IMMP2L: variants seen among roughly 807,000 people sequenced by gnomAD.
The protein encoded by IMMP2L is inner mitochondrial membrane peptidase subunit 2.
Under a neutral mutation model 19.3 loss-of-function variants are expected in IMMP2L, and 18 were observed. That is an observed-to-expected ratio of 0.93 (90% CI 0.64 to 1.38). The LOEUF is 1.38. Ranked by LOEUF, IMMP2L falls within the 40% of genes most tolerant of loss-of-function variation. The pLI is 0.00. For missense variants in IMMP2L, 233 were observed against 218.2 expected (o/e 1.07, Z -0.43); for synonymous variants, 76 against 73.0 (o/e 1.04, Z -0.21).
At chr7:111,374,816 G>A (rs1483120588) in intron 3 of IMMP2L, among the ~76,000 whole-genome samples, 2 of 152,130 alleles carry the variant, frequency 1.3e-5, no homozygotes, top group African/African-American at 4.8e-5. Context: ...GACACTGGAT[G>A]CTGCATTCAA....
intron 3 of IMMP2L, among the ~76,000 whole-genome samples, chr7:111,299,542 C>T (rs1708942098): frequency 6.8e-6 from 1 of 147,590 alleles, no homozygotes; most frequent in African/African-American, 2.5e-5. Context: ...GTGGGGTTTT[C>T]CCAGATAATT....
Position 110,903,832 on chromosome 7 carries a change from G to A in IMMP2L, c.306-17137C>T, listed in dbSNP as rs536483368. On this transcript the variant is annotated intron_variant, in intron 4 of 5. Coordinates refer to ENST00000405709, the MANE Select transcript of IMMP2L (RefSeq NM_032549.4). ...TTTCTATAGTGGCTGTACTATTTTC[G>A]ATTCCCACCGACAGTGTTCAAGGGT... is the stretch of plus-strand genomic sequence containing the variant. Among the ~76,000 whole-genome samples the A allele has an allele frequency of 2.7e-5, 4 of 150,440 alleles. No homozygotes were observed. In the East Asian group the frequency reaches 5.9e-4, roughly 22 times the overall value.
At chr7:110,697,794 T>C (rs1793994424) in intron 5 of IMMP2L, among the ~76,000 whole-genome samples, 1 of 152,114 alleles carries the variant, frequency 6.6e-6, no homozygotes, top group South Asian at 2.1e-4. Flanking sequence ...ACCCTATCTC[T>C]AAGAAATAAA....
At chr7:110,680,259 A>T (rs746248156) in intron 5 of IMMP2L, among the ~76,000 whole-genome samples, 7 of 152,108 alleles carry the variant, frequency 4.6e-5, no homozygotes, top group Non-Finnish European at 8.8e-5. Flanking sequence ...CGTGTTTTTC[A>T]TATATAAGAT....
intron 5 of IMMP2L, among the ~76,000 whole-genome samples, chr7:110,831,364 T>G (rs558552206): frequency 6.6e-6 from 1 of 152,234 alleles, no homozygotes; most frequent in East Asian, 1.9e-4. Context: ...CTTATCTAAT[T>G]TAAGGTCAGA....
intron 3 of IMMP2L, among the ~76,000 whole-genome samples, chr7:111,178,542 T>C (rs1051600041): frequency 6.6e-6 from 1 of 152,100 alleles, no homozygotes; most frequent in Non-Finnish European, 1.5e-5. Context: ...TTACCCACAG[T>C]AGAACTTTTG....
chr7:111,051,403 A>G (rs1046784240), intron 3 of IMMP2L, among the ~76,000 whole-genome samples: 1 of 152,250 alleles, frequency 6.6e-6, no homozygotes, highest in African/African-American at 2.4e-5. Context: ...TACACAGGAC[A>G]AAGAAACAGG....
chr7:111,447,138 A>T (rs1224414214), intron 3 of IMMP2L, among the ~76,000 whole-genome samples: 9 of 146,836 alleles, frequency 6.1e-5, no homozygotes, highest in African/African-American at 2.1e-4. Context: ...ACTCTGCAGG[A>T]TATTATCCAG....
At chr7:111,337,779 G>A (rs912022572) in intron 3 of IMMP2L, among the ~76,000 whole-genome samples, 6 of 152,228 alleles carry the variant, frequency 3.9e-5, no homozygotes, top group Admixed American at 1.3e-4. Flanking sequence ...GAGTGTCTTA[G>A]TTACCCAAGG....
intron 5 of IMMP2L, chr7:110,725,688 T>C (rs1175028547): frequency 7.2e-5 from 11 of 152,200 alleles, no homozygotes; most frequent in African/African-American, 2.4e-4. Context: ...AGAAGGTAGA[T>C]AGCTAACACT....
At chr7:111,059,759 C>G (rs1165271825) in intron 3 of IMMP2L, among the ~76,000 whole-genome samples, 1 of 152,068 alleles carries the variant, frequency 6.6e-6, no homozygotes, top group East Asian at 1.9e-4. Flanking sequence ...CAAGGGTAAA[C>G]TTAATATCCT....
At chr7:111,252,083 C>G (rs553837735) in intron 3 of IMMP2L, among the ~76,000 whole-genome samples, 2 of 152,012 alleles carry the variant, frequency 1.3e-5, no homozygotes, top group Admixed American at 6.6e-5. Context: ...GAAAGCATTT[C>G]TCTGAATATT....
intron 5 of IMMP2L, among the ~76,000 whole-genome samples, chr7:110,752,796 T>C (rs1331443999): frequency 6.6e-6 from 1 of 152,032 alleles, no homozygotes; most frequent in Non-Finnish European, 1.5e-5. Flanking sequence ...TGTATCTTGA[T>C]GGTCAGCGGG....
chr7:110,911,078 G>A (rs1813009706), intron 4 of IMMP2L, among the ~76,000 whole-genome samples: 1 of 152,068 alleles, frequency 6.6e-6, no homozygotes, highest in African/African-American at 2.4e-5. Context: ...ATATATGTAT[G>A]TATATAAATG....
chr7:110,897,434 C>T (rs1287187975), intron 4 of IMMP2L, among the ~76,000 whole-genome samples: 1 of 152,110 alleles, frequency 6.6e-6, no homozygotes, highest in African/African-American at 2.4e-5. Context: ...GACTCTATAG[C>T]CAACAGCTGA....
intron 5 of IMMP2L, among the ~76,000 whole-genome samples, chr7:110,840,810 T>C (rs1313232993): frequency 6.6e-6 from 1 of 152,144 alleles, no homozygotes; most frequent in Non-Finnish European, 1.5e-5. Flanking sequence ...TTCTATATAA[T>C]ATTTGTTTTT....
At chr7:110,936,435 A>G (rs1816119812) in intron 4 of IMMP2L, among the ~76,000 whole-genome samples, 1 of 152,246 alleles carries the variant, frequency 6.6e-6, no homozygotes, top group Non-Finnish European at 1.5e-5. Flanking sequence ...TGTGGCCAAC[A>G]AACACATGGA....
intron 3 of IMMP2L, among the ~76,000 whole-genome samples, chr7:111,269,832 C>T (rs1562989224): frequency 6.6e-6 from 1 of 152,132 alleles, no homozygotes; most frequent in African/African-American, 2.4e-5. Context: ...AAAATCCACT[C>T]AGAAATTTTC....
At position 110,807,605 on chromosome 7, in the gene IMMP2L, A is replaced by T. The variant is rs571869370; in HGVS notation, c.408+78988T>A. 8.0e-4 allele frequency among the ~76,000 whole-genome samples: 122 copies of T among 152,122 alleles called. 1 individual carries two copies. The highest frequency in any genetic ancestry group is 2.2e-3 in the African/African-American group (93 of 41,542). On this transcript the variant is annotated intron_variant, in intron 5 of 5. Coordinates refer to ENST00000405709, the MANE Select transcript of IMMP2L (RefSeq NM_032549.4). ...TGATATTCCCAAAGCATTAATTTTT[A>T]AAAAAAATTTAAATAAATATACATG...
Sources: gnomAD v4.1 joint callset for allele counts (sites outside exome capture counted in the v4.1 genomes callset) on GRCh38, gnomAD v4.1.1 for gene constraint, MANE v1.5 for transcripts, NCBI Gene and HGNC (gene_info 2026-07-23, HGNC 2026-07-21) for gene names.